Variants in ZZEF1 observed in about 807,000 individuals in gnomAD.
ZZEF1 encodes the protein zinc finger ZZ-type and EF-hand domain containing 1, also known as zinc finger ZZ-type and EF-hand domain-containing protein 1.
ZZEF1 carries 157 observed loss-of-function variants against 342.8 expected under a neutral mutation model. The observed-to-expected ratio is 0.46, with a 90% CI of 0.40 to 0.52. The LOEUF (loss-of-function observed/expected upper bound fraction) is 0.52. Among genes scored for constraint, ZZEF1 ranks in the 20% least tolerant of loss-of-function variants. The pLI, the probability that ZZEF1 is intolerant of heterozygous loss-of-function variation, is 0.00. For missense variants in ZZEF1, 3,480 were observed against 3,725.6 expected, an observed-to-expected ratio of 0.93 and a Z score of 1.72; for synonymous variants, 1,505 against 1,429.1, an observed-to-expected ratio of 1.05 and a Z score of -1.20.
intron 44 of ZZEF1, among the ~76,000 whole-genome samples, chr17:4,021,822 T>C (rs527418507): frequency 2.0e-5 from 3 of 152,258 alleles, no homozygotes; most frequent in African/African-American, 7.2e-5. Flanking sequence ...ACGATGCTCA[T>C]GATGCAGTCT....
intron 9 of ZZEF1, among the ~76,000 whole-genome samples, chr17:4,098,893 T>C (rs908934794): frequency 5.9e-5 from 9 of 152,210 alleles, no homozygotes; most frequent in African/African-American, 2.2e-4. Flanking sequence ...ACAACTCCAC[T>C]AACAGTAATA....
intron 1 of ZZEF1, among the ~76,000 whole-genome samples, chr17:4,140,960 A>G (rs1051945461): frequency 6.0e-5 from 9 of 150,708 alleles, no homozygotes; most frequent in African/African-American, 2.2e-4. Context: ...CCAGGCTGGA[A>G]TGCAGTGGCG....
chr17:4,013,434 C>T lies in ZZEF1; in HGVS notation c.8579+15G>A, dbSNP rs201174949. On this transcript the variant is annotated intron_variant, in intron 52 of 54. Coordinates refer to ENST00000381638, the MANE Select transcript of ZZEF1 (RefSeq NM_015113.4). Reference sequence around the variant, plus strand: ...ATATGCCTGGCAAAGGGCTGCCATCCGGGACACCGCTTACCTGTGGCCGCA... The same window carrying T: ...ATATGCCTGGCAAAGGGCTGCCATCTGGGACACCGCTTACCTGTGGCCGCA... The T allele has an allele frequency of 7.3e-5, 115 of 1,583,244 alleles. No homozygotes were observed. The highest frequency in any genetic ancestry group is 1.7e-4 in the Middle Eastern group (1 of 5,848).
rs767675501 is a variant in ZZEF1, at chr17:4,032,899, T to A, written c.6688A>T (p.Ile2230Phe). The A allele has an allele frequency of 6.2e-7, 1 of 1,614,056 alleles. No individual in the cohort carries two copies. The highest frequency in any genetic ancestry group is 8.5e-7 in the Non-Finnish European group (1 of 1,179,984). ...DVIATFTDHC[I>F]KQLPFQLKHT... ...TTCAGCTGGAATGGCAGCTGCTTGA[T>A]GCAGTGGTCTGTGAAGGTGGCAATG... The change falls in exon 41 of 55, where the codon ATC becomes TTC. Residue 2230 changes from isoleucine to phenylalanine, a missense_variant. Physicochemically the swap from Ile to Phe is conservative, Grantham distance 21 (BLOSUM62 0). Coordinates refer to ENST00000381638, the MANE Select transcript of ZZEF1 (RefSeq NM_015113.4).
At chr17:4,032,376 T>G (rs1197558753) in intron 41 of ZZEF1, 118 bp from the exon 42 acceptor site, 8 of 1,119,486 alleles carry the variant, frequency 7.1e-6, no homozygotes, top group Non-Finnish European at 1.0e-5. Context: ...CACGCAAGGA[T>G]AGGGATCTTC....
chr17:4,050,083 C>T (rs1343944238), intron 36 of ZZEF1, among the ~76,000 whole-genome samples: 1 of 152,192 alleles, frequency 6.6e-6, no homozygotes, highest in Non-Finnish European at 1.5e-5. Flanking sequence ...GCACTTTATA[C>T]TTTATTAACA....
chr17:4,009,699 A>G lies in ZZEF1; in HGVS notation c.8638T>C (p.Tyr2880His). ...TGCGTCACGTCCTCAAACAGGCCGT[A>G]CTCCATGTGGGTAAAGAGCTGCCAC... ...PLWQLFTHME[Y>H]GLFEDVTQPG... Residue 2880 changes from tyrosine to histidine, a missense_variant, in exon 53 of 55, where the codon TAC becomes CAC. Tyr to His is a moderately conservative substitution (Grantham distance 83). This residue lies in a region of ZZEF1 where 1,269 missense variants were observed against 1,342.4 expected (regional missense o/e 0.95). Transcript: ENST00000381638. The G allele has an allele frequency of 6.2e-7, 1 of 1,613,966 alleles. No individual in the cohort carries two copies. Among genetic ancestry groups the G allele is most frequent in the South Asian group, 1.1e-5 (1 of 91,068 alleles).
intron 1 of ZZEF1, among the ~76,000 whole-genome samples, chr17:4,136,228 C>A (rs1476971283): frequency 6.7e-6 from 1 of 149,700 alleles, no homozygotes. Context: ...CCTGTAATCC[C>A]AGCTAATCGG....
Position 4,006,792 on chromosome 17 carries a change from G to A in ZZEF1, c.*98C>T, listed in dbSNP as rs564869169. 3 of 1,310,018 alleles carry A rather than the reference G, an allele frequency of 2.3e-6. No individual in the cohort carries two copies. The highest frequency in any genetic ancestry group is 3.2e-6 in the Non-Finnish European group (3 of 928,604). The allele number at this position is 1,310,018 out of a possible 1,614,324, so 81.1% of individuals were successfully genotyped here. On this transcript the variant is annotated 3_prime_UTR_variant, in exon 55 of 55. Coordinates refer to ENST00000381638, the MANE Select transcript of ZZEF1 (RefSeq NM_015113.4). The stretch of plus-strand genomic sequence containing the variant: ...TGGAGTGGTCAGCTCAAGGAGAGCT[G>A]GGCACTGGCGCTACAGGAGTTTTCC...
rs369408394 is a variant in ZZEF1, at chr17:4,007,508, T to TG, written c.8806-539dup. ...CTGGTGCAGTACACTCAACAGGCTG[T>TG]GGGGGGGGTCAGAAGAGGGTAAGGA... On this transcript the variant is annotated intron_variant, in intron 54 of 54. Coordinates refer to ENST00000381638, the MANE Select transcript of ZZEF1 (RefSeq NM_015113.4). Among the ~76,000 whole-genome samples, 816 of 149,502 alleles carry TG rather than the reference T, an allele frequency of 5.5e-3. 5 individuals are homozygous for TG. The highest frequency in any genetic ancestry group is 0.018 in the African/African-American group (720 of 40,506).
At chr17:4,062,961 G>A in intron 29 of ZZEF1, 44 bp from the exon 30 acceptor site, 1 of 1,565,408 alleles carries the variant, frequency 6.4e-7, no homozygotes, top group Middle Eastern at 2.3e-4. Flanking sequence ...AAACTCTTGA[G>A]CTGGGGCAGA....
intron 23 of ZZEF1, 112 bp from the exon 24 acceptor site, chr17:4,074,463 C>T: frequency 8.9e-7 from 1 of 1,125,634 alleles, no homozygotes; most frequent in Non-Finnish European, 1.3e-6. Context: ...TCTCTATTTC[C>T]ACATGTCCAA....
At chr17:4,125,843 G>A (rs1315643498) in intron 1 of ZZEF1, among the ~76,000 whole-genome samples, 1 of 152,156 alleles carries the variant, frequency 6.6e-6, no homozygotes, top group Non-Finnish European at 1.5e-5. Flanking sequence ...GGGAAGGAGG[G>A]AAGCAGCAGT....
intron 2 of ZZEF1, among the ~76,000 whole-genome samples, chr17:4,120,553 A>G (rs2058466812): frequency 6.6e-6 from 1 of 152,204 alleles, no homozygotes; most frequent in Non-Finnish European, 1.5e-5. Flanking sequence ...AGAAGCCAGG[A>G]GTGGCTCAGT....
At chr17:4,127,741 A>G (rs1229225126) in intron 1 of ZZEF1, among the ~76,000 whole-genome samples, 1 of 152,200 alleles carries the variant, frequency 6.6e-6, no homozygotes, top group African/African-American at 2.4e-5. Context: ...TACTTGCTCA[A>G]TGTGTAAGAC....
chr17:4,066,184 T>C (rs2057390373), intron 28 of ZZEF1, among the ~76,000 whole-genome samples: 1 of 152,054 alleles, frequency 6.6e-6, no homozygotes, highest in African/African-American at 2.4e-5. Context: ...AGAAAAAAGA[T>C]GTAGCTCAAA....
chr17:4,122,951 G>A (rs1245909090), intron 2 of ZZEF1, among the ~76,000 whole-genome samples: 4 of 135,046 alleles, frequency 3.0e-5, no homozygotes, highest in African/African-American at 5.5e-5. Context: ...ATGGAGTCTC[G>A]CTTTGTTGCC....
At chr17:4,107,906 C>T (rs896943972) in intron 6 of ZZEF1, among the ~76,000 whole-genome samples, 1 of 152,178 alleles carries the variant, frequency 6.6e-6, no homozygotes, top group Admixed American at 6.5e-5. Context: ...CCTGGAATAT[C>T]TTGTGTCAGA....
intron 2 of ZZEF1, among the ~76,000 whole-genome samples, chr17:4,120,202 C>A (rs998538833): frequency 6.6e-6 from 1 of 151,978 alleles, no homozygotes; most frequent in Non-Finnish European, 1.5e-5. Context: ...ACTAAAAATA[C>A]AAAAATTATC....
Sources: allele counts gnomAD v4.1 joint callset (sites outside exome capture counted in the v4.1 genomes callset), GRCh38; gene constraint gnomAD v4.1.1; regional missense constraint gnomAD v4.1.1; transcripts MANE v1.5; gene names NCBI Gene and HGNC (gene_info 2026-07-23, HGNC 2026-07-21).